The following ZNF469 variants were observed in gnomAD, a reference collection of about 807,000 sequenced individuals.
ZNF469 encodes the protein zinc finger protein 469.
Under a neutral mutation model 1.0 loss-of-function variants are expected in ZNF469, and 1 was observed. That is an observed-to-expected ratio of 1.00 (90% CI 0.35 to 4.73). ZNF469 has a LOEUF of 4.73. Among genes scored for constraint, ZNF469 ranks in the 30% most tolerant of loss-of-function variants. ZNF469 has a pLI of 0.16. For synonymous variants in ZNF469, 2,703 were observed against 2,363.4 expected, an observed-to-expected ratio of 1.14 and a Z score of -4.17; for missense variants, 6,100 against 5,356.3, an observed-to-expected ratio of 1.14 and a Z score of -4.33.
chr16:88,213,182 T>C, the ZNF469 span, among the ~76,000 whole-genome samples: 24 of 152,064 alleles, frequency 1.6e-4, no homozygotes, highest in Admixed American at 3.9e-4. Context: ...CACTGCAAGC[T>C]CCGCCTCCCT....
the ZNF469 span, among the ~76,000 whole-genome samples, chr16:88,143,644 G>A: frequency 6.6e-6 from 1 of 152,366 alleles, no homozygotes; most frequent in Admixed American, 6.5e-5. Flanking sequence ...TGAAAATGCT[G>A]CCTTTGTGTC....
chr16:88,179,777 A>G, the ZNF469 span, among the ~76,000 whole-genome samples: 3 of 152,248 alleles, frequency 2.0e-5, no homozygotes, highest in African/African-American at 4.8e-5. Flanking sequence ...AGACAGAAAG[A>G]TAATTGACTA....
chr16:88,206,639 C>T, the ZNF469 span, among the ~76,000 whole-genome samples: 1 of 151,764 alleles, frequency 6.6e-6, no homozygotes, highest in African/African-American at 2.4e-5. Context: ...TGGTTTGTCA[C>T]GACTCGACTC....
At chr16:88,342,408 G>A in the ZNF469 span, among the ~76,000 whole-genome samples, 4,539 of 152,182 alleles carry the variant, frequency 0.03, 95 homozygotes, top group Non-Finnish European at 0.048. Context: ...GCTCATGGCC[G>A]AACCTGGATG....
chr16:88,201,565 T>TA, the ZNF469 span, among the ~76,000 whole-genome samples: 446 of 144,466 alleles, frequency 3.1e-3, 2 homozygotes, highest in Middle Eastern at 0.025. This position sits in a 1 kb window ranked among gnomAD's most constrained non-coding sequence, Gnocchi z 5.0. Context: ...ATAAATAAAT[T>TA]AAAAAAAAAA....
the ZNF469 span, among the ~76,000 whole-genome samples, chr16:88,357,544 C>T: frequency 4.5e-4 from 68 of 152,298 alleles, 1 homozygote; most frequent in Middle Eastern, 6.8e-3. Flanking sequence ...GGCCTCTTTC[C>T]GAGCCAGCAT....
chr16:88,103,574 G>A, the ZNF469 span, among the ~76,000 whole-genome samples: 2 of 152,328 alleles, frequency 1.3e-5, no homozygotes, highest in East Asian at 3.9e-4. Context: ...CCCTTGGGGG[G>A]GATCAGGAGA....
At chr16:88,187,487 C>T in the ZNF469 span, among the ~76,000 whole-genome samples, 3 of 152,248 alleles carry the variant, frequency 2.0e-5, no homozygotes. Context: ...GTGAATTACG[C>T]CAATTACAGT....
the ZNF469 span, among the ~76,000 whole-genome samples, chr16:88,311,098 G>C: frequency 6.6e-6 from 1 of 152,184 alleles, no homozygotes; most frequent in African/African-American, 2.4e-5. Context: ...GACCGCCTGG[G>C]CATTTTGTGG....
the ZNF469 span, among the ~76,000 whole-genome samples, chr16:88,243,156 C>T: frequency 6.6e-6 from 1 of 152,216 alleles, no homozygotes; most frequent in Non-Finnish European, 1.5e-5. Flanking sequence ...GTGAATTGTC[C>T]TTGGCTGGTG....
the ZNF469 span, among the ~76,000 whole-genome samples, chr16:88,196,027 A>T: frequency 1.3e-5 from 2 of 152,232 alleles, no homozygotes; most frequent in Non-Finnish European, 2.9e-5. Context: ...AGGCCACATC[A>T]GTAATGTTCT....
Position 88,434,303 on chromosome 16 carries a change from C to T in ZNF469, c.6833C>T (p.Ser2278Phe). ...ATSPPLAGAV[S>F]PSVAVRATGL... ...TCTCCTCCTCTGGCAGGGGCCGTCTCCCCCAGCGTGGCCGTCAGGGCTACT... is the reference window on the plus strand; with the variant it reads ...TCTCCTCCTCTGGCAGGGGCCGTCTTCCCCAGCGTGGCCGTCAGGGCTACT... Residue 2278 changes from serine to phenylalanine, a missense_variant, in exon 3 of 3, where the codon TCC (serine) becomes TTC (phenylalanine). By Grantham distance (155) the Ser-to-Phe change is radical. Coordinates refer to ENST00000565624, the MANE Select transcript of ZNF469 (RefSeq NM_001367624.2). 1.3e-6 allele frequency: 2 copies of T among 1,550,364 alleles called. No individual in the cohort carries two copies. The highest frequency in any genetic ancestry group is 1.2e-5 in the South Asian group (1 of 84,064).
At chr16:88,243,911 C>CATATACATATATATATAT in the ZNF469 span, among the ~76,000 whole-genome samples, 12 of 26,278 alleles carry the variant, frequency 4.6e-4, 1 homozygote, top group Non-Finnish European at 7.7e-4. Flanking sequence ...TGGCTGGATG[C>CATATACATATATATATAT]ATATATATAT....
chr16:88,281,400 T>C, the ZNF469 span, among the ~76,000 whole-genome samples: 35 of 149,338 alleles, frequency 2.3e-4, no homozygotes, highest in African/African-American at 8.4e-4. Flanking sequence ...CATGGGTAAG[T>C]GCTGTGCCAC....
intron 1 of ZNF469, among the ~76,000 whole-genome samples, chr16:88,403,918 G>A (rs1471920223): frequency 6.6e-6 from 1 of 152,082 alleles, no homozygotes; most frequent in African/African-American, 2.4e-5. Flanking sequence ...GAGGGGCAGC[G>A]CCCTTCCCAC....
chr16:88,393,282 C>T (rs1412964675), intron 1 of ZNF469, among the ~76,000 whole-genome samples: 1 of 152,266 alleles, frequency 6.6e-6, no homozygotes, highest in Non-Finnish European at 1.5e-5. Context: ...GGGAGCATGC[C>T]CACAGCAGGG....
the ZNF469 span, among the ~76,000 whole-genome samples, chr16:88,174,996 C>G: frequency 6.6e-6 from 1 of 151,880 alleles, no homozygotes. Context: ...TGAGGGCTGT[C>G]TGCAAGTGTG....
chr16:88,181,196 G>A, the ZNF469 span, among the ~76,000 whole-genome samples: 1 of 151,438 alleles, frequency 6.6e-6, no homozygotes, highest in Non-Finnish European at 1.5e-5. Context: ...TCAGCCTCCC[G>A]AATAGCTGGG....
Position 88,430,150 on chromosome 16 carries a change from G to C in ZNF469, c.2680G>C (p.Glu894Gln). 1.3e-6 allele frequency: 2 copies of C among 1,550,042 alleles called. No homozygotes were observed. Among genetic ancestry groups the C allele is most frequent in the Non-Finnish European group, 8.7e-7 (1 of 1,146,852 alleles). Reference protein sequence around the residue: ...PLKSKAGVTPESKAPPPLPAA... With the variant: ...PLKSKAGVTPQSKAPPPLPAA... ...TAAGAGCAAGGCGGGGGTGACTCCA[G>C]AGAGCAAAGCTCCGCCCCCGCTCCC... is the stretch of plus-strand genomic sequence containing the variant. Residue 894 changes from glutamate (E) to glutamine (Q), a missense_variant, in exon 3 of 3, where the codon GAG becomes CAG. Physicochemically the swap from Glu to Gln is conservative, Grantham distance 29. Transcript: ENST00000565624.
Sources: gnomAD v4.1 joint callset for allele counts (sites outside exome capture counted in the v4.1 genomes callset) on GRCh38, gnomAD v4.1.1 for gene constraint, Gnocchi (gnomAD v3.1) non-coding constraint, MANE v1.5 for transcripts, NCBI Gene and HGNC (gene_info 2026-07-23, HGNC 2026-07-21) for gene names.